Variants in MALRD1 observed in about 807,000 individuals in gnomAD.
MALRD1 encodes MAM and LDL receptor class A domain containing 1.
In MALRD1, 247 loss-of-function variants were observed where a neutral mutation model predicts 242.1. The ratio of observed to expected loss-of-function variants is 1.02; its 90% CI spans 0.92 to 1.13. MALRD1 has a LOEUF of 1.13. MALRD1 is among the 50% of genes most tolerant of loss of function. The probability of loss-of-function intolerance (pLI) is 0.00; values close to 1 mark genes in which losing one functional copy is unlikely to be tolerated. For missense variants in MALRD1, 2,989 were observed against 2,533.1 expected, an observed-to-expected ratio of 1.18 and a Z score of -3.86; for synonymous variants, 995 against 866.6, an observed-to-expected ratio of 1.15 and a Z score of -2.60.
At chr10:19,391,066 A>T (rs901787467) in intron 28 of MALRD1, among the ~76,000 whole-genome samples, 1 of 152,196 alleles carries the variant, frequency 6.6e-6, no homozygotes, top group South Asian at 2.1e-4. Flanking sequence ...TTACATTTCA[A>T]TTATGTTACA....
chr10:19,345,871 G>A (rs1320524949), intron 24 of MALRD1, among the ~76,000 whole-genome samples: 1 of 151,576 alleles, frequency 6.6e-6, no homozygotes, highest in African/African-American at 2.4e-5. Flanking sequence ...TACATTTTAT[G>A]TTAGTATTTT....
chr10:19,592,659 T>C (rs1837860697), intron 33 of MALRD1, among the ~76,000 whole-genome samples: 1 of 152,096 alleles, frequency 6.6e-6, no homozygotes. Flanking sequence ...TTTCTGCTTT[T>C]AATGCAATGC....
chr10:19,082,232 TACA>T (rs1301215931), intron 2 of MALRD1, among the ~76,000 whole-genome samples: 2 of 151,786 alleles, frequency 1.3e-5, no homozygotes, highest in Non-Finnish European at 2.9e-5. Flanking sequence ...CATTTTAATT[TACA>T]ACAACTTAGG....
At chr10:19,553,177 C>G (rs117072170) in intron 32 of MALRD1, among the ~76,000 whole-genome samples, 3,398 of 152,008 alleles carry the variant, frequency 0.022, 54 homozygotes, top group Middle Eastern at 0.068. Flanking sequence ...AAAGGTGCAG[C>G]CCTCAAGAAA....
intron 32 of MALRD1, among the ~76,000 whole-genome samples, chr10:19,551,217 G>A (rs1835454896): frequency 6.6e-6 from 1 of 152,020 alleles, no homozygotes; most frequent in African/African-American, 2.4e-5. Flanking sequence ...ACCTTTATAA[G>A]ATGCACAGTA....
At chr10:19,109,471 TG>T (rs1184308978) in intron 5 of MALRD1, among the ~76,000 whole-genome samples, 1 of 152,130 alleles carries the variant, frequency 6.6e-6, no homozygotes, top group African/African-American at 2.4e-5. Context: ...GCCTATAATT[TG>T]GGGGTAAAGA....
At position 19,348,656 on chromosome 10, in the gene MALRD1, C is replaced by T. The variant is rs540396087; in HGVS notation, c.4149+638C>T. On this transcript the variant is annotated intron_variant, in intron 25 of 39. Transcript: ENST00000454679. ...CTTTGGGAAAAGCAGCAGCCTCATACGATAACTATGTATTTACAGGGTTTT... is the reference window on the plus strand; with the variant it reads ...CTTTGGGAAAAGCAGCAGCCTCATATGATAACTATGTATTTACAGGGTTTT... Among the ~76,000 whole-genome samples the T allele has an allele frequency of 6.1e-4, 93 of 152,196 alleles. 1 individual carries two copies. The highest frequency in any genetic ancestry group is 3.5e-3 in the South Asian group (17 of 4,820).
At chr10:19,445,604 A>C (rs942972367) in intron 28 of MALRD1, among the ~76,000 whole-genome samples, 1 of 152,198 alleles carries the variant, frequency 6.6e-6, no homozygotes, top group Non-Finnish European at 1.5e-5. Context: ...TCACCAGTGG[A>C]GGCTGCAGAA....
At chr10:19,131,032 G>A (rs1302911648) in intron 8 of MALRD1, among the ~76,000 whole-genome samples, 9 of 152,050 alleles carry the variant, frequency 5.9e-5, no homozygotes, top group Admixed American at 5.9e-4. Flanking sequence ...TGTTTGATTT[G>A]TTAGTATCCT....
At chr10:19,716,392 TA>T (rs1834389888) in intron 38 of MALRD1, among the ~76,000 whole-genome samples, 1 of 152,210 alleles carries the variant, frequency 6.6e-6, no homozygotes, top group South Asian at 2.1e-4. Flanking sequence ...TCTGGTTGTT[TA>T]AAACTGTGTG....
At chr10:19,283,566 T>A (rs1453463146) in intron 21 of MALRD1, among the ~76,000 whole-genome samples, 1 of 152,064 alleles carries the variant, frequency 6.6e-6, no homozygotes, top group Non-Finnish European at 1.5e-5. Flanking sequence ...CAGCCTCCCT[T>A]TTTTCCCCTC....
intron 14 of MALRD1, among the ~76,000 whole-genome samples, 155 bp downstream of exon 14, chr10:19,175,483 T>TATA (rs199565400): frequency 2.0e-5 from 3 of 148,124 alleles, no homozygotes; most frequent in Non-Finnish European, 3.0e-5. Flanking sequence ...TATATATATA[T>TATA]TTTAAAAGGT....
intron 32 of MALRD1, among the ~76,000 whole-genome samples, chr10:19,558,860 A>G (rs776773057): frequency 6.6e-6 from 1 of 152,162 alleles, no homozygotes; most frequent in African/African-American, 2.4e-5. Context: ...AATTACATCT[A>G]GATTATCAAA....
chr10:19,355,950 G>A (rs892544289), intron 26 of MALRD1, among the ~76,000 whole-genome samples: 1 of 147,488 alleles, frequency 6.8e-6, no homozygotes, highest in South Asian at 2.1e-4. Context: ...ATATGCTAGG[G>A]TTAGGGTTGG....
At chr10:19,098,258 A>T (rs887221678) in intron 4 of MALRD1, among the ~76,000 whole-genome samples, 1 of 152,210 alleles carries the variant, frequency 6.6e-6, no homozygotes, top group African/African-American at 2.4e-5. Flanking sequence ...TGGATTGTTA[A>T]ACTAAATGAA....
At position 19,584,624 on chromosome 10, in the gene MALRD1, T is replaced by C. The variant is rs1837297846; in HGVS notation, c.5681-10570T>C. 2.6e-5 allele frequency among the ~76,000 whole-genome samples: 4 copies of C among 152,148 alleles called. No individual in the cohort carries two copies. In the South Asian group the frequency reaches 8.3e-4, roughly 32 times the overall value. On this transcript the variant is annotated intron_variant, in intron 33 of 39. Coordinates refer to ENST00000454679, the MANE Select transcript of MALRD1 (RefSeq NM_001142308.3). Reference sequence around the variant, plus strand: ...ATAATTTCTGTTCTTTTACATTTGCTGAGGAGAGCTTTACTTCCAATTATG... The same window carrying C: ...ATAATTTCTGTTCTTTTACATTTGCCGAGGAGAGCTTTACTTCCAATTATG...
intron 36 of MALRD1, among the ~76,000 whole-genome samples, chr10:19,666,834 G>T (rs1841701955): frequency 6.6e-6 from 1 of 152,098 alleles, no homozygotes; most frequent in Non-Finnish European, 1.5e-5. Context: ...ACAAGGGCAG[G>T]GCAGTGAAGA....
chr10:19,657,199 T>C (rs1300846634), intron 36 of MALRD1, among the ~76,000 whole-genome samples: 7 of 152,178 alleles, frequency 4.6e-5, no homozygotes, highest in Admixed American at 4.6e-4. Flanking sequence ...GCTAATTCAG[T>C]CTTTTCTCTC....
intron 31 of MALRD1, among the ~76,000 whole-genome samples, chr10:19,509,210 A>G (rs956350292): frequency 2.6e-5 from 4 of 152,220 alleles, no homozygotes; most frequent in South Asian, 2.1e-4. Flanking sequence ...GAATTGGGCA[A>G]TACTCAGAAC....
Sources: gnomAD v4.1 joint callset for allele counts (sites outside exome capture counted in the v4.1 genomes callset) on GRCh38, gnomAD v4.1.1 for gene constraint, MANE v1.5 for transcripts, NCBI Gene and HGNC (gene_info 2026-07-23, HGNC 2026-07-21) for gene names.